The following HECTD4 variants were observed in gnomAD, a reference collection of about 807,000 sequenced individuals.
HECTD4 encodes HECT domain E3 ubiquitin protein ligase 4, also known as probable E3 ubiquitin-protein ligase HECTD4.
HECTD4 carries 114 observed loss-of-function variants against 471.5 expected under a neutral mutation model. The observed-to-expected ratio is 0.24, with a 90% CI of 0.21 to 0.28. The LOEUF is 0.28. HECTD4 is among the 10% of genes least tolerant of loss of function. The pLI, the probability that HECTD4 is intolerant of heterozygous loss-of-function variation, is 1.00. For missense variants in HECTD4, 3,866 were observed against 5,651.5 expected (o/e 0.68, Z 10.13); for synonymous variants, 2,012 against 2,256.0 (o/e 0.89, Z 3.07).
At chr12:112,296,104 T>A (rs527796879) in intron 7 of HECTD4, among the ~76,000 whole-genome samples, 1 of 152,156 alleles carries the variant, frequency 6.6e-6, no homozygotes, top group Non-Finnish European at 1.5e-5. Context: ...CATGGCTAAG[T>A]GGCATGAACA....
At chr12:112,240,432 G>A (rs139852308) in intron 32 of HECTD4, among the ~76,000 whole-genome samples, 161 of 151,828 alleles carry the variant, frequency 1.1e-3, no homozygotes, top group African/African-American at 3.7e-3. Context: ...TACTGTAAGT[G>A]CTTTTTCTTT....
chr12:112,376,629 C>T (rs143910488), intron 1 of HECTD4, among the ~76,000 whole-genome samples: 2 of 152,326 alleles, frequency 1.3e-5, no homozygotes, highest in East Asian at 3.9e-4. Context: ...CCCTGCTCCC[C>T]ATCTCTCCTC....
rs765810617 is a variant in HECTD4, at chr12:112,167,855, G to A, written c.12271C>T (p.Leu4091=). 2.1e-5 allele frequency: 34 copies of A among 1,613,576 alleles called. No homozygotes were observed. Among genetic ancestry groups the A allele is most frequent in the African/African-American group, 2.7e-5 (2 of 74,952 alleles). Residue 4091 remains leucine (L), a synonymous_variant, in exon 71 of 76, where the codon CTG becomes TTG. Coordinates refer to ENST00000682272, the MANE Select transcript of HECTD4 (RefSeq NM_001388303.1). Reference sequence around the variant, plus strand: ...GCTGAGCTGGGGCACAGCAGCAGCAGCGACAGCGAGGAACTCTGCAGCTCC... The same window carrying A: ...GCTGAGCTGGGGCACAGCAGCAGCAACGACAGCGAGGAACTCTGCAGCTCC... The part of the protein sequence containing the change: ...CKELQSSSLS[L]LLLCPSSAVN...
Position 112,261,372 on chromosome 12 carries a change from C to A in HECTD4, c.2806G>T (p.Val936Leu). ...GTGACCTGCTGTAGCATTTCCAACA[C>A]TTCATCACATCCAGTCAGGATTTGG... The part of the protein sequence containing the change: ...ATQILTGCDE[V>L]LEMLQQVTTA... The change falls in exon 18 of 76, where the codon GTG (valine) becomes TTG (leucine). Residue 936 changes from valine (V) to leucine (L), a missense_variant. Coordinates refer to ENST00000682272, the MANE Select transcript of HECTD4 (RefSeq NM_001388303.1). The A allele has an allele frequency of 1.2e-6, 2 of 1,611,908 alleles. No individual in the cohort carries two copies. Among genetic ancestry groups the A allele is most frequent in the Non-Finnish European group, 1.7e-6 (2 of 1,178,150 alleles).
At chr12:112,167,590 C>G in intron 71 of HECTD4, 52 bp from the exon 72 acceptor site, 1 of 1,390,002 alleles carries the variant, frequency 7.2e-7, no homozygotes, top group South Asian at 1.4e-5. Flanking sequence ...TCTGTGCCCG[C>G]CAGGGAACAT....
At position 112,208,534 on chromosome 12, in the gene HECTD4, T is replaced by C; in HGVS notation, c.7964A>G (p.Asp2655Gly). ...ATCGTCATCATCATCGCTTTCATCATCTGCAATGGGAGGCGGGTGAGGGTC... is the reference window on the plus strand; with the variant it reads ...ATCGTCATCATCATCGCTTTCATCACCTGCAATGGGAGGCGGGTGAGGGTC... ...GPDPHPPPIADDESDDDDDDD... is the reference protein window; with the variant it reads ...GPDPHPPPIAGDESDDDDDDD... Residue 2655 changes from aspartate to glycine, a missense_variant, in exon 51 of 76, where the codon GAT becomes GGT. Around this residue, in one of 16 missense-constraint regions of HECTD4, gnomAD observed 266 missense variants for 441.6 expected, o/e 0.60. Transcript: ENST00000682272. The C allele has an allele frequency of 6.2e-7, 1 of 1,604,630 alleles. No homozygotes were observed. The highest frequency in any genetic ancestry group is 8.5e-7 in the Non-Finnish European group (1 of 1,177,022).
At chr12:112,376,809 C>T (rs2036789389) in intron 1 of HECTD4, among the ~76,000 whole-genome samples, 1 of 152,116 alleles carries the variant, frequency 6.6e-6, no homozygotes, top group Admixed American at 6.6e-5. Context: ...CCTTTTGTGT[C>T]CACCCTATAT....
intron 1 of HECTD4, among the ~76,000 whole-genome samples, chr12:112,324,025 CCTTCCTT>C (rs2035668981): frequency 6.6e-5 from 2 of 30,416 alleles, no homozygotes; most frequent in Non-Finnish European, 9.8e-5. Flanking sequence ...TTCCTTCCTT[CCTTCCTT>C]CCTTCCTTCC....
At chr12:112,316,592 T>C (rs1444171794) in intron 2 of HECTD4, among the ~76,000 whole-genome samples, 1 of 152,110 alleles carries the variant, frequency 6.6e-6, no homozygotes, top group African/African-American at 2.4e-5. Flanking sequence ...CCGTAAGCTC[T>C]GTGAGGTAAG....
At chr12:112,174,589 G>A (rs552990403) in intron 66 of HECTD4, among the ~76,000 whole-genome samples, 1 of 150,632 alleles carries the variant, frequency 6.6e-6, no homozygotes, top group African/African-American at 2.4e-5. Context: ...TTTTGAGATG[G>A]AGTCTCACTC....
intron 1 of HECTD4, among the ~76,000 whole-genome samples, chr12:112,371,473 G>A (rs2036667641): frequency 6.6e-6 from 1 of 152,072 alleles, no homozygotes; most frequent in Non-Finnish European, 1.5e-5. Context: ...TACTTGGGAG[G>A]CCGAGGCAGA....
chr12:112,206,979 T>C (rs1456821428), intron 52 of HECTD4, among the ~76,000 whole-genome samples: 1 of 152,200 alleles, frequency 6.6e-6, no homozygotes, highest in Non-Finnish European at 1.5e-5. Flanking sequence ...CAGACGCTTT[T>C]GGAATTAAGT....
Position 112,381,712 on chromosome 12 carries a change from GA to G in HECTD4, c.177+239del, listed in dbSNP as rs1422228243. 6.6e-6 allele frequency among the ~76,000 whole-genome samples: 1 copy of G among 152,042 alleles called. No individual in the cohort carries two copies. Among genetic ancestry groups the G allele is most frequent in the Non-Finnish European group, 1.5e-5 (1 of 67,976 alleles). On this transcript the variant is annotated intron_variant, in intron 1 of 75. Coordinates refer to ENST00000682272, the MANE Select transcript of HECTD4 (RefSeq NM_001388303.1). This position sits in a 1 kb window ranked among gnomAD's most constrained non-coding sequence, Gnocchi z 4.1. ...ATGCCGGGTGTCGGAACGCTCAAAA[GA>G]AAACCACAAATGAAATCCCCTGCGG...
chr12:112,272,270 G>A (rs184278089), intron 11 of HECTD4, among the ~76,000 whole-genome samples: 3 of 152,106 alleles, frequency 2.0e-5, no homozygotes, highest in East Asian at 1.9e-4. Flanking sequence ...GGCTGGTCTC[G>A]AACTCCTGAC....
At chr12:112,316,465 G>A (rs1735081617) in intron 2 of HECTD4, among the ~76,000 whole-genome samples, 1 of 152,036 alleles carries the variant, frequency 6.6e-6, no homozygotes, top group African/African-American at 2.4e-5. Context: ...TGTAAGCTCT[G>A]CAATTTTAGG....
Position 112,235,723 on chromosome 12 carries a change from G to C in HECTD4, c.5506C>G (p.Leu1836Val), listed in dbSNP as rs2033486666. 1 of 1,613,820 alleles carries C rather than the reference G, an allele frequency of 6.2e-7. No individual in the cohort carries two copies. The part of the protein sequence containing the change: ...PACVSKLLSL[L>V]LDQRPSPKLV... ...TTTGGAGACGGGCGTTGGTCAAGCA[G>C]CAGGGAGAGGAGTTTGGACACACAA... The change falls in exon 36 of 76, where the codon CTG (leucine) becomes GTG (valine). Residue 1836 changes from leucine to valine, a missense_variant. Physicochemically the swap from Leu to Val is conservative, Grantham distance 32. Around this residue, in one of 16 missense-constraint regions of HECTD4, gnomAD observed 12 missense variants for 48.0 expected, o/e 0.25. Coordinates refer to ENST00000682272, the MANE Select transcript of HECTD4 (RefSeq NM_001388303.1). The surrounding 1 kb of genome is among the most constrained non-coding windows in gnomAD (Gnocchi z 5.0).
chr12:112,210,411 C>T (rs2032728097), intron 49 of HECTD4, among the ~76,000 whole-genome samples, 159 bp from the exon 50 acceptor site: 1 of 152,202 alleles, frequency 6.6e-6, no homozygotes, highest in African/African-American at 2.4e-5. Context: ...CTGAGCACAC[C>T]TGTGCTCAGA....
rs1418116364 is a variant in HECTD4 at position 112,184,598 on chromosome 12, C to T, written c.10368G>A (p.Glu3456=). 2 of 1,613,766 alleles carry T rather than the reference C, an allele frequency of 1.2e-6. No homozygotes were observed. The highest frequency in any genetic ancestry group is 8.5e-7 in the Non-Finnish European group (1 of 1,179,886). Residue 3456 remains glutamate, a synonymous_variant, in exon 61 of 76, where the codon GAG becomes GAA. Coordinates refer to ENST00000682272, the MANE Select transcript of HECTD4 (RefSeq NM_001388303.1). This position sits in a 1 kb window ranked among gnomAD's most constrained non-coding sequence, Gnocchi z 9.1. ...DKAEGGDGKV[E]PEKTLAFPGT... is the part of the protein sequence containing the mutation. The stretch of plus-strand genomic sequence containing the variant: ...CGGGGAAGGCCAGTGTCTTCTCGGG[C>T]TCAACTTTCCCGTCCCCGCCCTCGG...
At position 112,256,495 on chromosome 12, in the gene HECTD4, G is replaced by T; in HGVS notation, c.3152C>A (p.Pro1051Gln). 1 of 1,592,590 alleles carries T rather than the reference G, an allele frequency of 6.3e-7. No individual in the cohort carries two copies. Among genetic ancestry groups the T allele is most frequent in the South Asian group, 1.2e-5 (1 of 86,118 alleles). ...DERMLEEKEEPGFLTGLKIPA... is the reference protein window; with the variant it reads ...DERMLEEKEEQGFLTGLKIPA... ...AATCTTTAAACCAGTGAGAAATCCT[G>T]GCTCTTCCTTCTCTTCTAACATTCT... is the stretch of plus-strand genomic sequence containing the variant. The change falls in exon 21 of 76, where the codon CCA (proline) becomes CAA (glutamine). Residue 1051 changes from proline to glutamine, a missense_variant. By Grantham distance (76) the Pro-to-Gln change is moderately conservative. Around this residue, in one of 16 missense-constraint regions of HECTD4, gnomAD observed 525 missense variants for 672.6 expected, o/e 0.78. Transcript: ENST00000682272.
Sources: allele counts gnomAD v4.1 joint callset (sites outside exome capture counted in the v4.1 genomes callset), GRCh38; gene constraint gnomAD v4.1.1; regional missense constraint gnomAD v4.1.1; non-coding constraint Gnocchi (gnomAD v3.1); transcripts MANE v1.5; gene names NCBI Gene and HGNC (gene_info 2026-07-23, HGNC 2026-07-21).